CCDC138: variants seen among roughly 807,000 people sequenced by gnomAD.
CCDC138 encodes coiled-coil domain containing 138.
CCDC138 carries 66 observed loss-of-function variants against 82.3 expected under a neutral mutation model. The ratio of observed to expected loss-of-function variants is 0.80; its 90% CI spans 0.66 to 0.98. The LOEUF (loss-of-function observed/expected upper bound fraction) is 0.98, where lower values mean the gene tolerates loss of function less well. Among genes scored for constraint, CCDC138 ranks in the 50% least tolerant of loss-of-function variants. CCDC138 has a pLI of 0.00. For synonymous variants in CCDC138, 297 were observed against 265.4 expected (o/e 1.12, Z -1.16); for missense variants, 816 against 758.9 (o/e 1.08, Z -0.88).
intron 12 of CCDC138, among the ~76,000 whole-genome samples, chr2:108,848,742 C>T (rs1467864826): frequency 6.6e-6 from 1 of 151,988 alleles, no homozygotes; most frequent in African/African-American, 2.4e-5. Flanking sequence ...TAAAACAATC[C>T]TAATATGTAA....
chr2:108,791,946 C>G (rs747788133), intron 4 of CCDC138, 144 bp downstream of exon 4: 15 of 824,632 alleles, frequency 1.8e-5, no homozygotes, highest in Non-Finnish European at 2.5e-5. Context: ...GAGATAGTTA[C>G]TGTGCTTATT....
chr2:108,793,969 A>G (rs1278352388), intron 4 of CCDC138, among the ~76,000 whole-genome samples: 1 of 152,156 alleles, frequency 6.6e-6, no homozygotes, highest in African/African-American at 2.4e-5. Context: ...TGTATAGCCA[A>G]ATCAGCTCAA....
At chr2:108,848,923 G>C (rs1336843534) in intron 12 of CCDC138, among the ~76,000 whole-genome samples, 1 of 152,164 alleles carries the variant, frequency 6.6e-6, no homozygotes, top group Admixed American at 6.5e-5. Flanking sequence ...ATATGATACA[G>C]ATGATAGAAT....
At chr2:108,792,654 T>C (rs1265370202) in intron 4 of CCDC138, among the ~76,000 whole-genome samples, 1 of 152,184 alleles carries the variant, frequency 6.6e-6, no homozygotes, top group Non-Finnish European at 1.5e-5. Context: ...TTTTAAAAAA[T>C]TCATACTATG....
chr2:108,876,359 T>C lies in CCDC138; in HGVS notation c.*106T>C. 1.6e-6 allele frequency: 1 copy of C among 608,196 alleles called. No homozygotes were observed. The highest frequency in any genetic ancestry group is 2.8e-6 in the Non-Finnish European group (1 of 363,404). The allele number at this position is 608,196 out of a possible 1,614,324, so 37.7% of individuals were successfully genotyped here. On this transcript the variant is annotated 3_prime_UTR_variant, in exon 15 of 15. Coordinates refer to ENST00000295124, the MANE Select transcript of CCDC138 (RefSeq NM_144978.3). ...AAGTAAAGTTATCAGTAGCATCATT[T>C]ATCATGAAAAATAAATAATTTTTTT...
intron 14 of CCDC138, 113 bp from the exon 15 acceptor site, chr2:108,875,975 T>G: frequency 1.6e-6 from 1 of 644,894 alleles, no homozygotes; most frequent in Non-Finnish European, 2.5e-6. Context: ...TCTCCACTGT[T>G]TTTAAAAACA....
intron 13 of CCDC138, among the ~76,000 whole-genome samples, chr2:108,861,472 CTTTTTTTTTTT>C (rs201132350): frequency 1.6e-5 from 2 of 123,552 alleles, no homozygotes; most frequent in African/African-American, 7.7e-5. Context: ...AACTTTCTTC[CTTTTTTTTTTT>C]TTTTTTTTTT....
intron 5 of CCDC138, among the ~76,000 whole-genome samples, chr2:108,798,168 T>C (rs6759252): frequency 0.075 from 11,345 of 152,156 alleles, 1,421 homozygotes; most frequent in African/African-American, 0.26. Context: ...ATCTGCATAG[T>C]GCTGATCCAT....
At chr2:108,818,477 C>T (rs1685146710) in intron 10 of CCDC138, among the ~76,000 whole-genome samples, 1 of 152,042 alleles carries the variant, frequency 6.6e-6, no homozygotes, top group South Asian at 2.1e-4. Flanking sequence ...AGCCTAGATC[C>T]TTTCAGTTAA....
At chr2:108,869,935 A>C (rs886700574) in intron 13 of CCDC138, among the ~76,000 whole-genome samples, 1 of 152,208 alleles carries the variant, frequency 6.6e-6, no homozygotes, top group Admixed American at 6.5e-5. Context: ...GGAACAAAAT[A>C]AATCTTCAGA....
At chr2:108,872,240 C>G (rs1047793489) in intron 13 of CCDC138, among the ~76,000 whole-genome samples, 1 of 152,172 alleles carries the variant, frequency 6.6e-6, no homozygotes, top group Non-Finnish European at 1.5e-5. Flanking sequence ...CTCCTCCCCC[C>G]ACCATAGCAT....
chr2:108,804,936 G>T lies in CCDC138; in HGVS notation c.783G>T (p.Lys261Asn), dbSNP rs780781321. 3.1e-5 allele frequency: 49 copies of T among 1,571,194 alleles called. No individual in the cohort carries two copies. The highest frequency in any genetic ancestry group is 4.2e-5 in the Non-Finnish European group (49 of 1,164,494). The change falls in exon 7 of 15, where the codon AAG (lysine) becomes AAT (asparagine). Residue 261 changes from lysine (K) to asparagine (N), a missense_variant. By Grantham distance (94) the Lys-to-Asn change is moderately conservative. Transcript: ENST00000295124. Reference protein sequence around the residue: ...VEHLTEVLKEKNKETKRLRSS... With the variant: ...VEHLTEVLKENNKETKRLRSS... ...ACTTAACCGAAGTTCTTAAGGAAAA[G>T]AATAAAGAAACCAAGAGACTGAGGT... is the stretch of plus-strand genomic sequence containing the variant.
chr2:108,845,178 AT>A (rs1249334106), intron 11 of CCDC138, among the ~76,000 whole-genome samples: 1 of 151,938 alleles, frequency 6.6e-6, no homozygotes, highest in Non-Finnish European at 1.5e-5. Context: ...AGTTTTGAAC[AT>A]TTTTTTCTAT....
intron 11 of CCDC138, among the ~76,000 whole-genome samples, chr2:108,840,958 C>T (rs1044063090): frequency 2.0e-5 from 3 of 151,862 alleles, no homozygotes; most frequent in African/African-American, 7.3e-5. Context: ...ATTACAGATG[C>T]CCACCACCAC....
At position 108,830,422 on chromosome 2, in the gene CCDC138, CAA is replaced by C. The variant is rs1198383904; in HGVS notation, c.1207-8761_1207-8760del. ...TTTTACCATAATAAAGATTTTCCAA[CAA>C]AGTGTCAATTAGGATACATTTTCAC... On this transcript the variant is annotated intron_variant, in intron 10 of 14. Transcript: ENST00000295124. Among the ~76,000 whole-genome samples, 8 of 152,184 alleles carry C rather than the reference CAA, an allele frequency of 5.3e-5. No homozygotes were observed. In the South Asian group the frequency reaches 1.0e-3, roughly 20 times the overall value.
chr2:108,811,021 G>C lies in CCDC138; in HGVS notation c.856-1610G>C, dbSNP rs149678990. On this transcript the variant is annotated intron_variant, in intron 7 of 14. Transcript: ENST00000295124. Reference sequence around the variant, plus strand: ...CTCTAGTGATCCTTGTATTTCTGTGGTACTGCTTGTAATGTCTCCCTTTTT... The same window carrying C: ...CTCTAGTGATCCTTGTATTTCTGTGCTACTGCTTGTAATGTCTCCCTTTTT... Among the ~76,000 whole-genome samples, 1,034 of 151,826 alleles carry C rather than the reference G, an allele frequency of 6.8e-3. 13 individuals carry two copies. The highest frequency in any genetic ancestry group is 0.024 in the African/African-American group (990 of 41,364).
chr2:108,874,498 A>G (rs1407533365), intron 14 of CCDC138, among the ~76,000 whole-genome samples: 1 of 152,188 alleles, frequency 6.6e-6, no homozygotes, highest in Non-Finnish European at 1.5e-5. Context: ...ACTCATTTGT[A>G]TAACAGTAAC....
At chr2:108,795,934 G>T (rs75277911) in intron 5 of CCDC138, among the ~76,000 whole-genome samples, 2,322 of 152,242 alleles carry the variant, frequency 0.015, 67 homozygotes, top group African/African-American at 0.054. Flanking sequence ...GGATAAAAAA[G>T]AATAGGCAAG....
chr2:108,805,866 G>A (rs151018810), intron 7 of CCDC138, among the ~76,000 whole-genome samples: 2 of 152,184 alleles, frequency 1.3e-5, no homozygotes, highest in African/African-American at 4.8e-5. Flanking sequence ...GTATGTTAAA[G>A]AGAGACAAGA....
Sources: allele counts gnomAD v4.1 joint callset (sites outside exome capture counted in the v4.1 genomes callset), GRCh38; gene constraint gnomAD v4.1.1; transcripts MANE v1.5; gene names NCBI Gene and HGNC (gene_info 2026-07-23, HGNC 2026-07-21).